Variants in GAPVD1 observed in about 807,000 individuals in gnomAD.
The protein encoded by GAPVD1 is GTPase activating protein and VPS9 domains 1.
In GAPVD1, 35 loss-of-function variants were observed where a neutral mutation model predicts 155.5. The observed-to-expected ratio is 0.23, with a 90% confidence interval of 0.17 to 0.30. The LOEUF is 0.30. GAPVD1 is among the 10% of genes least tolerant of loss of function. The probability of loss-of-function intolerance (pLI) is 1.00; values close to 1 mark genes in which losing one functional copy is unlikely to be tolerated. For missense variants in GAPVD1, 1,429 were observed against 1,775.7 expected, an observed-to-expected ratio of 0.80 and a Z score of 3.51; for synonymous variants, 636 against 619.7, an observed-to-expected ratio of 1.03 and a Z score of -0.39.
intron 5 of GAPVD1, among the ~76,000 whole-genome samples, chr9:125,304,569 ACTTGTT>A (rs1841479626): frequency 6.6e-6 from 1 of 152,308 alleles, no homozygotes; most frequent in African/African-American, 2.4e-5. Flanking sequence ...CCAGTAAGGT[ACTTGTT>A]CTATGAATTA....
intron 25 of GAPVD1, 151 bp from the exon 26 acceptor site, chr9:125,359,269 T>C (rs1850575170): frequency 1.6e-6 from 1 of 636,926 alleles, no homozygotes; most frequent in African/African-American, 1.8e-5. Context: ...AATACTTATC[T>C]AAGAGGCTCA....
intron 2 of GAPVD1, among the ~76,000 whole-genome samples, chr9:125,283,070 T>G (rs1398490373): frequency 4.0e-5 from 6 of 149,984 alleles, no homozygotes; most frequent in African/African-American, 1.2e-4. Flanking sequence ...ATTTATTTAT[T>G]TATGTTTGAG....
chr9:125,277,838 T>A (rs1836049564), intron 2 of GAPVD1, among the ~76,000 whole-genome samples: 1 of 152,012 alleles, frequency 6.6e-6, no homozygotes, highest in Non-Finnish European at 1.5e-5. Flanking sequence ...AGCTAATTTT[T>A]AAATTTTTTT....
chr9:125,287,502 T>C (rs1247612948), intron 2 of GAPVD1, among the ~76,000 whole-genome samples: 1 of 152,100 alleles, frequency 6.6e-6, no homozygotes, highest in Admixed American at 6.6e-5. Flanking sequence ...AGCAAGACCT[T>C]GTCTCAAAAA....
chr9:125,349,932 CA>C (rs1394303567), intron 21 of GAPVD1, among the ~76,000 whole-genome samples: 2 of 152,034 alleles, frequency 1.3e-5, no homozygotes, highest in Admixed American at 1.3e-4. Flanking sequence ...AGAGATGTGC[CA>C]GAAGGCATTC....
At position 125,337,021 on chromosome 9, in the gene GAPVD1, C is replaced by T; in HGVS notation, c.2432C>T (p.Ala811Val). ...SPDMDEITHGAHQLTSPPSQS... is the reference protein window; with the variant it reads ...SPDMDEITHGVHQLTSPPSQS... The stretch of plus-strand genomic sequence containing the variant: ...CACAGTTTCCCTCCTGTTTTAGGTG[C>T]CCACCAGCTGACCTCTCCTCCTTCT... The change falls in exon 16 of 28, where the codon GCC becomes GTC. Residue 811 changes from alanine (A) to valine (V), a missense_variant. Physicochemically the swap from Ala to Val is moderately conservative, Grantham distance 64. Coordinates refer to ENST00000297933, the MANE Select transcript of GAPVD1 (RefSeq NM_001282680.3). 6.2e-7 allele frequency: 1 copy of T among 1,604,078 alleles called. No homozygotes were observed. Among genetic ancestry groups the T allele is most frequent in the Non-Finnish European group, 8.5e-7 (1 of 1,170,998 alleles).
At chr9:125,335,088 G>A in intron 15 of GAPVD1, 2 of 624,820 alleles carry the variant, frequency 3.2e-6, no homozygotes, top group Admixed American at 2.5e-5. Flanking sequence ...ATGTGGTAGA[G>A]TATCAAAGAA....
intron 2 of GAPVD1, among the ~76,000 whole-genome samples, chr9:125,292,888 G>A (rs2132539567): frequency 6.6e-6 from 1 of 152,270 alleles, no homozygotes; most frequent in African/African-American, 2.4e-5. Flanking sequence ...AATATATTCT[G>A]GCACTATTGG....
intron 2 of GAPVD1, among the ~76,000 whole-genome samples, chr9:125,280,863 A>T (rs916967292): frequency 6.6e-6 from 1 of 151,876 alleles, no homozygotes; most frequent in African/African-American, 2.4e-5. Context: ...GCGTGAGTCA[A>T]CGTGCCCAGC....
chr9:125,356,084 G>A (rs1015206380), intron 25 of GAPVD1, among the ~76,000 whole-genome samples: 1 of 152,170 alleles, frequency 6.6e-6, no homozygotes, highest in Non-Finnish European at 1.5e-5. Context: ...AGCCTCTTTG[G>A]AAAGCACTGC....
chr9:125,348,802 G>T (rs955678392), intron 20 of GAPVD1, among the ~76,000 whole-genome samples: 2 of 152,132 alleles, frequency 1.3e-5, no homozygotes, highest in Non-Finnish European at 2.9e-5. Flanking sequence ...GTGAGGCACC[G>T]CACCCAGCCG....
rs1039469541 is a variant in GAPVD1, at chr9:125,365,156, G to A, written c.*2410G>A. The stretch of plus-strand genomic sequence containing the variant: ...TGACATCTGTGACACCTGTGAAATG[G>A]GTTCGGGTGCTCATGACTCCATAGC... On this transcript the variant is annotated 3_prime_UTR_variant, in exon 28 of 28. Transcript: ENST00000297933. 2.0e-5 allele frequency: 3 copies of A among 152,174 alleles called. No individual in the cohort carries two copies. Among genetic ancestry groups the A allele is most frequent in the Non-Finnish European group, 4.4e-5 (3 of 68,070 alleles). The allele number at this position is 152,174 out of a possible 1,614,324, so 9.4% of individuals were successfully genotyped here.
Position 125,302,355 on chromosome 9 carries a change from T to G in GAPVD1, c.558T>G (p.Ser186=), listed in dbSNP as rs768505221. ...TCAGCATCTTATTTAAACTTTTTTC[T>G]GAAGGACTGTTTTCTGCCAAACTTT... is the stretch of plus-strand genomic sequence containing the variant. ...CAFSILFKLF[S]EGLFSAKLFL... The change falls in exon 5 of 28, where the codon TCT becomes TCG. Residue 186 remains serine, a synonymous_variant. Transcript: ENST00000297933. 6.2e-7 allele frequency: 1 copy of G among 1,614,172 alleles called. No homozygotes were observed. Among genetic ancestry groups the G allele is most frequent in the African/African-American group, 1.3e-5 (1 of 75,068 alleles).
intron 9 of GAPVD1, among the ~76,000 whole-genome samples, chr9:125,315,069 G>A (rs1394677541): frequency 2.0e-5 from 3 of 152,154 alleles, no homozygotes; most frequent in Non-Finnish European, 2.9e-5. Flanking sequence ...TTACAGGTGT[G>A]AGCCATCGTG....
chr9:125,302,723 T>G lies in GAPVD1; in HGVS notation c.926T>G (p.Leu309Arg). ...VGEVRAMCTD[L>R]LLACFICPAV... is the part of the protein sequence containing the mutation. ...GAGGTCAGGGCAATGTGTACTGATC[T>G]CCTGTTGGCCTGCTTCATTTGTCCT... The change falls in exon 5 of 28, where the codon CTC becomes CGC. Residue 309 changes from leucine to arginine, a missense_variant. Leu to Arg is a moderately radical substitution (Grantham distance 102). Coordinates refer to ENST00000297933, the MANE Select transcript of GAPVD1 (RefSeq NM_001282680.3). 2 of 1,614,166 alleles carry G rather than the reference T, an allele frequency of 1.2e-6. No homozygotes were observed.
intron 9 of GAPVD1, among the ~76,000 whole-genome samples, chr9:125,320,388 C>T (rs2131477810): frequency 6.6e-6 from 1 of 152,098 alleles, no homozygotes; most frequent in East Asian, 1.9e-4. Context: ...ATAAAAAGGC[C>T]ATCAGTCTAA....
At position 125,275,232 on chromosome 9, in the gene GAPVD1, T is replaced by C. The variant is rs1835577708; in HGVS notation, c.-150+6248T>C. Among the ~76,000 whole-genome samples the C allele has an allele frequency of 1.3e-5, 2 of 151,854 alleles. 1 individual carries two copies. The highest frequency in any genetic ancestry group is 4.1e-4 in the South Asian group (2 of 4,822). ...CTTGGATTACAGGCGCCTGCCACCA[T>C]GCCCGGATAATTTTTATATTTTTAG... On this transcript the variant is annotated intron_variant, in intron 2 of 27. Transcript: ENST00000297933.
chr9:125,270,710 G>A (rs1302133835), intron 2 of GAPVD1, among the ~76,000 whole-genome samples: 1 of 152,184 alleles, frequency 6.6e-6, no homozygotes, highest in African/African-American at 2.4e-5. Context: ...TTGGGAGGCT[G>A]AGGCGGGTGG....
intron 11 of GAPVD1, among the ~76,000 whole-genome samples, chr9:125,326,000 C>G (rs1845117579): frequency 6.6e-6 from 1 of 152,214 alleles, no homozygotes. Context: ...TCCACATATA[C>G]ACTACCTGCC....
Sources: gnomAD v4.1 joint callset for allele counts (sites outside exome capture counted in the v4.1 genomes callset) on GRCh38, gnomAD v4.1.1 for gene constraint, MANE v1.5 for transcripts, NCBI Gene and HGNC (gene_info 2026-07-23, HGNC 2026-07-21) for gene names.